UTS2: variants seen among roughly 807,000 people sequenced by gnomAD.
UTS2 encodes the protein urotensin-2.
In UTS2, 10 loss-of-function variants were observed where a neutral mutation model predicts 12.6. That is an observed-to-expected ratio of 0.80 (90% CI 0.49 to 1.35). The LOEUF (loss-of-function observed/expected upper bound fraction) is 1.35. Ranked by LOEUF, UTS2 falls within the 40% of genes most tolerant of loss-of-function variation. The pLI is 0.00. For missense variants in UTS2, 142 were observed against 143.2 expected, an observed-to-expected ratio of 0.99 and a Z score of 0.04; for synonymous variants, 52 against 50.0, an observed-to-expected ratio of 1.04 and a Z score of -0.17.
At chr1:7,911,597 A>T in the UTS2 span, among the ~76,000 whole-genome samples, 1 of 152,146 alleles carries the variant, frequency 6.6e-6, no homozygotes, top group Non-Finnish European at 1.5e-5. Context: ...AAATGGCCTC[A>T]AAATTGTTTA....
chr1:7,904,319 A>T, the UTS2 span, among the ~76,000 whole-genome samples: 3,435 of 150,310 alleles, frequency 0.023, 129 homozygotes, highest in African/African-American at 0.078. Context: ...TAAAAAAAAA[A>T]AAAAATAATA....
chr1:7,872,124 AC>A, the UTS2 span, among the ~76,000 whole-genome samples: 1 of 151,652 alleles, frequency 6.6e-6, no homozygotes, highest in Non-Finnish European at 1.5e-5. Flanking sequence ...ACATGGTGAA[AC>A]CCCGTCTCTA....
the UTS2 span, among the ~76,000 whole-genome samples, chr1:7,859,353 G>A: frequency 6.6e-6 from 1 of 152,044 alleles, no homozygotes; most frequent in East Asian, 1.9e-4. Context: ...AGTGACTACT[G>A]AATGCCTCGT....
the UTS2 span, among the ~76,000 whole-genome samples, chr1:7,876,828 G>A: frequency 1.3e-5 from 2 of 152,192 alleles, no homozygotes; most frequent in South Asian, 4.1e-4. Context: ...CAAATGTGTA[G>A]ATATCAATAT....
chr1:7,898,180 T>C, the UTS2 span, among the ~76,000 whole-genome samples: 1 of 152,186 alleles, frequency 6.6e-6, no homozygotes, highest in Admixed American at 6.5e-5. Flanking sequence ...AGTTACTGTC[T>C]AGAAACCCCA....
the UTS2 span, among the ~76,000 whole-genome samples, chr1:7,861,773 G>A: frequency 1.3e-5 from 2 of 152,186 alleles, no homozygotes; most frequent in Admixed American, 1.3e-4. Flanking sequence ...GTTAGGTACA[G>A]CGTCTGGCAG....
chr1:7,899,637 A>G, the UTS2 span, among the ~76,000 whole-genome samples: 3 of 152,158 alleles, frequency 2.0e-5, no homozygotes, highest in African/African-American at 7.2e-5. Flanking sequence ...CCTCCTGAGT[A>G]GCTGGGACTA....
At chr1:7,909,109 T>C in the UTS2 span, among the ~76,000 whole-genome samples, 4 of 152,186 alleles carry the variant, frequency 2.6e-5, no homozygotes, top group East Asian at 5.8e-4. Flanking sequence ...TTATCTTACA[T>C]TGCGGAAAGA....
At chr1:7,866,077 G>C in the UTS2 span, among the ~76,000 whole-genome samples, 2 of 152,234 alleles carry the variant, frequency 1.3e-5, no homozygotes, top group Admixed American at 1.3e-4. The surrounding 1 kb of genome is among the most constrained non-coding windows in gnomAD (Gnocchi z 4.5). Flanking sequence ...ACCGTGGAAA[G>C]GGCTCTGGGC....
the UTS2 span, among the ~76,000 whole-genome samples, chr1:7,863,020 A>ATTGTATTGTATTGTATTGTATTGTATT: frequency 4.2e-5 from 1 of 23,686 alleles, no homozygotes; most frequent in African/African-American, 1.4e-4. Context: ...ATTGTATTGT[A>ATTGTATTGTATTGTATTGTATTGTATT]TTGTATTGTA....
At chr1:7,849,598 T>C (rs1186238878) in intron 3 of UTS2, 42 bp downstream of exon 3, 2 of 1,535,404 alleles carry the variant, frequency 1.3e-6, no homozygotes, top group Non-Finnish European at 1.8e-6. Context: ...CAGTACAGAA[T>C]GTTCACCTTT....
the UTS2 span, among the ~76,000 whole-genome samples, chr1:7,909,078 A>G: frequency 5.5e-3 from 831 of 152,076 alleles, 7 homozygotes; most frequent in African/African-American, 0.019. Context: ...GCCGTGAGCC[A>G]CCATGCCTGG....
At chr1:7,907,078 ACC>A in the UTS2 span, among the ~76,000 whole-genome samples, 1 of 151,466 alleles carries the variant, frequency 6.6e-6, no homozygotes, top group Non-Finnish European at 1.5e-5. Flanking sequence ...ACATAGTAAG[ACC>A]CCATCTCTAC....
the UTS2 span, among the ~76,000 whole-genome samples, chr1:7,872,321 G>GAAA: frequency 3.4e-4 from 29 of 86,034 alleles, no homozygotes; most frequent in African/African-American, 1.1e-3. Flanking sequence ...AAAAAAAAAG[G>GAAA]AAAAGAAAAA....
chr1:7,859,245 T>C, the UTS2 span, among the ~76,000 whole-genome samples: 1 of 152,194 alleles, frequency 6.6e-6, no homozygotes, highest in Non-Finnish European at 1.5e-5. Flanking sequence ...TTTTAATTTA[T>C]ATTAATTAAA....
chr1:7,861,849 A>G, the UTS2 span, among the ~76,000 whole-genome samples: 2 of 151,910 alleles, frequency 1.3e-5, no homozygotes, highest in Non-Finnish European at 2.9e-5. Flanking sequence ...GGTGACAAGT[A>G]GGTTTTGGAC....
chr1:7,854,686 A>G (rs1220380821), upstream of UTS2, among the ~76,000 whole-genome samples: 3 of 152,248 alleles, frequency 2.0e-5, no homozygotes, highest in South Asian at 2.1e-4. Flanking sequence ...AGATCTATGT[A>G]CCTCAGGGTG....
At chr1:7,861,336 G>A in the UTS2 span, among the ~76,000 whole-genome samples, 1 of 152,168 alleles carries the variant, frequency 6.6e-6, no homozygotes, top group African/African-American at 2.4e-5. Context: ...GCAGCTGAAT[G>A]CTGGCAACTT....
the UTS2 span, among the ~76,000 whole-genome samples, chr1:7,896,260 A>G: frequency 0.17 from 24,908 of 145,882 alleles, 2,168 homozygotes; most frequent in African/African-American, 0.22. Context: ...TTTATCCATG[A>G]AAAAAAAAAA....
Sources: gnomAD v4.1 joint callset for allele counts (sites outside exome capture counted in the v4.1 genomes callset) on GRCh38, gnomAD v4.1.1 for gene constraint, Gnocchi (gnomAD v3.1) non-coding constraint, MANE v1.5 for transcripts, NCBI Gene and HGNC (gene_info 2026-07-23, HGNC 2026-07-21) for gene names.